The following MVB12B variants were observed in gnomAD, a reference collection of about 807,000 sequenced individuals.
MVB12B encodes the protein multivesicular body subunit 12B.
A neutral mutation model predicts 41.6 loss-of-function variants in MVB12B; 16 were observed. That is an observed-to-expected ratio of 0.38 (90% CI 0.26 to 0.58). MVB12B has a LOEUF of 0.58. Ranked by LOEUF, MVB12B falls within the 20% of genes least tolerant of loss-of-function variation. MVB12B has a pLI of 0.62. For synonymous variants in MVB12B, 133 were observed against 139.7 expected, an observed-to-expected ratio of 0.95 and a Z score of 0.34; for missense variants, 274 against 380.2, an observed-to-expected ratio of 0.72 and a Z score of 2.32.
At chr9:126,414,883 TTTTGTTTG>T (rs943859340) in intron 6 of MVB12B, among the ~76,000 whole-genome samples, 3 of 151,968 alleles carry the variant, frequency 2.0e-5, no homozygotes, top group Non-Finnish European at 2.9e-5. Flanking sequence ...ACTGGCTAAT[TTTTGTTTG>T]TTTGTTTGTT....
intron 3 of MVB12B, among the ~76,000 whole-genome samples, chr9:126,385,082 G>A (rs565825628): frequency 3.3e-5 from 5 of 151,006 alleles, no homozygotes; most frequent in Non-Finnish European, 7.4e-5. Context: ...AGCTACCCAC[G>A]CACTTTGGCC....
At chr9:126,434,721 G>A (rs1367158920) in intron 7 of MVB12B, among the ~76,000 whole-genome samples, 2 of 152,242 alleles carry the variant, frequency 1.3e-5, no homozygotes, top group Non-Finnish European at 2.9e-5. Context: ...GCCAAAGGTG[G>A]TAGTGCCTTT....
At chr9:126,420,919 CACTT>C (rs1831994310) in intron 6 of MVB12B, among the ~76,000 whole-genome samples, 1 of 152,062 alleles carries the variant, frequency 6.6e-6, no homozygotes, top group South Asian at 2.1e-4. Flanking sequence ...AGTAATTGAC[CACTT>C]ACTTTATGTG....
At chr9:126,373,986 G>A (rs555883838) in intron 2 of MVB12B, among the ~76,000 whole-genome samples, 2 of 152,290 alleles carry the variant, frequency 1.3e-5, no homozygotes, top group South Asian at 2.1e-4. Context: ...ACAAACTAAA[G>A]TATTGTACTT....
In MVB12B at chr9:126,470,102, G is replaced by A. The variant is rs141328738; in HGVS notation, c.758-11267G>A. Among the ~76,000 whole-genome samples, 193 of 152,266 alleles carry A rather than the reference G, an allele frequency of 1.3e-3. 2 individuals carry two copies. The highest frequency in any genetic ancestry group is 4.3e-3 in the African/African-American group (177 of 41,534). On this transcript the variant is annotated intron_variant, in intron 7 of 9. Coordinates refer to ENST00000361171, the MANE Select transcript of MVB12B (RefSeq NM_033446.3). ...AGTGAGTATTAGTGTTATTACTGCC[G>A]TACAGAGGAAAATACCCTTTCGCGG...
chr9:126,328,392 T>C (rs908311765), intron 1 of MVB12B, among the ~76,000 whole-genome samples: 3 of 152,198 alleles, frequency 2.0e-5, no homozygotes, highest in Non-Finnish European at 4.4e-5. Flanking sequence ...CTAATTTAGG[T>C]TCAAGGCATT....
At position 126,376,185 on chromosome 9, in the gene MVB12B, C is replaced by G. The variant is rs1427950488; in HGVS notation, c.205-4879C>G. Among the ~76,000 whole-genome samples the G allele has an allele frequency of 6.6e-6, 1 of 152,090 alleles. No homozygotes were observed. The highest frequency in any genetic ancestry group is 1.5e-5 in the Non-Finnish European group (1 of 68,010). On this transcript the variant is annotated intron_variant, in intron 2 of 9. Coordinates refer to ENST00000361171, the MANE Select transcript of MVB12B (RefSeq NM_033446.3). This position sits in a 1 kb window ranked among gnomAD's most constrained non-coding sequence, Gnocchi z 4.1. ...CTTTCTCTTCCAGTGTTTACAGTTT[C>G]TAATCTCTTTATATTGTCCTCAAAT...
At chr9:126,444,129 C>T (rs1832709384) in intron 7 of MVB12B, among the ~76,000 whole-genome samples, 1 of 152,196 alleles carries the variant, frequency 6.6e-6, no homozygotes, top group African/African-American at 2.4e-5. Flanking sequence ...GTTGTATCAT[C>T]CTCCCTCTTA....
rs910045603 is a variant in MVB12B at position 126,446,525 on chromosome 9, A to AT, written c.757+24577_757+24578insT. Among the ~76,000 whole-genome samples the AT allele has an allele frequency of 4.0e-4, 60 of 151,690 alleles. 1 individual carries two copies. The highest frequency in any genetic ancestry group is 5.9e-4 in the Non-Finnish European group (40 of 67,906). Reference sequence around the variant, plus strand: ...AAAAAGAACACCAAAAAAAAAAAAAAAAAATCCTGTCTGAACTATGTGGAC... The same window carrying AT: ...AAAAAGAACACCAAAAAAAAAAAAAATAAAATCCTGTCTGAACTATGTGGAC... On this transcript the variant is annotated intron_variant, in intron 7 of 9. Transcript: ENST00000361171.
At chr9:126,440,315 G>A (rs901360633) in intron 7 of MVB12B, among the ~76,000 whole-genome samples, 1 of 152,216 alleles carries the variant, frequency 6.6e-6, no homozygotes, top group Admixed American at 6.5e-5. Context: ...TTTGAGAGGC[G>A]CTGATAGCCT....
At chr9:126,427,999 GC>G (rs1386249226) in intron 7 of MVB12B, among the ~76,000 whole-genome samples, 2 of 150,984 alleles carry the variant, frequency 1.3e-5, no homozygotes, top group East Asian at 3.9e-4. Context: ...GGAAAAGCCA[GC>G]TTATTGCCCT....
intron 6 of MVB12B, among the ~76,000 whole-genome samples, chr9:126,400,557 T>C (rs1831239668): frequency 6.6e-6 from 1 of 152,168 alleles, no homozygotes; most frequent in Non-Finnish European, 1.5e-5. Flanking sequence ...TCGGCAGAAC[T>C]ACGTGTTAGG....
intron 4 of MVB12B, among the ~76,000 whole-genome samples, chr9:126,390,428 C>T (rs573971409): frequency 1.3e-5 from 2 of 152,176 alleles, no homozygotes; most frequent in African/African-American, 2.4e-5. Context: ...CTGTCTGACT[C>T]GTGTATTAAA....
intron 7 of MVB12B, among the ~76,000 whole-genome samples, chr9:126,439,149 G>C (rs1832569465): frequency 6.6e-6 from 1 of 152,084 alleles, no homozygotes; most frequent in South Asian, 2.1e-4. Flanking sequence ...GGGGGCCCTG[G>C]AGTGGAAGCA....
At chr9:126,372,662 A>G (rs1284782357) in intron 2 of MVB12B, among the ~76,000 whole-genome samples, 3 of 152,170 alleles carry the variant, frequency 2.0e-5, no homozygotes, top group African/African-American at 7.2e-5. Flanking sequence ...CCTATGAGGT[A>G]GGTATTATTT....
At chr9:126,397,771 A>G (rs1564309153) in intron 6 of MVB12B, 1 of 353,630 alleles carries the variant, frequency 2.8e-6, no homozygotes, top group Non-Finnish European at 4.0e-6. Context: ...TTAAAATGAA[A>G]TGTTGATTAT....
chr9:126,406,613 ACT>A (rs1831435496), intron 6 of MVB12B, among the ~76,000 whole-genome samples: 1 of 151,984 alleles, frequency 6.6e-6, no homozygotes, highest in South Asian at 2.1e-4. Flanking sequence ...AGGTTTAGAG[ACT>A]CTTTAAATAT....
At chr9:126,371,964 A>G (rs755297591) in intron 2 of MVB12B, among the ~76,000 whole-genome samples, 1 of 152,204 alleles carries the variant, frequency 6.6e-6, no homozygotes, top group Admixed American at 6.5e-5. Context: ...TTGCACAACT[A>G]TCACTGCCAC....
At position 126,424,278 on chromosome 9, in the gene MVB12B, A is replaced by G. The variant is rs116583590; in HGVS notation, c.757+2330A>G. 6.1e-3 allele frequency among the ~76,000 whole-genome samples: 931 copies of G among 152,330 alleles called. 14 individuals carry two copies. Among genetic ancestry groups the G allele is most frequent in the African/African-American group, 0.021 (874 of 41,578 alleles). ...CCTGCTAGTAGATTCCTTTTCCTGTATCTTTCACTAAGACAGTTGGCTCCC... is the reference window on the plus strand; with the variant it reads ...CCTGCTAGTAGATTCCTTTTCCTGTGTCTTTCACTAAGACAGTTGGCTCCC... On this transcript the variant is annotated intron_variant, in intron 7 of 9. Transcript: ENST00000361171.
Sources: gnomAD v4.1 joint callset for allele counts (sites outside exome capture counted in the v4.1 genomes callset) on GRCh38, gnomAD v4.1.1 for gene constraint, Gnocchi (gnomAD v3.1) non-coding constraint, MANE v1.5 for transcripts, NCBI Gene and HGNC (gene_info 2026-07-23, HGNC 2026-07-21) for gene names.